ABHD3: variants seen among roughly 807,000 people sequenced by gnomAD.
The protein encoded by ABHD3 is phospholipase ABHD3.
Under a neutral mutation model 48.8 loss-of-function variants are expected in ABHD3, and 46 were observed. The ratio of observed to expected loss-of-function variants is 0.94; its 90% CI spans 0.74 to 1.20. The LOEUF is 1.20. Ranked by LOEUF, ABHD3 falls within the 50% of genes most tolerant of loss-of-function variation. The pLI is 0.00. For synonymous variants in ABHD3, 192 were observed against 183.7 expected, an observed-to-expected ratio of 1.04 and a Z score of -0.36; for missense variants, 490 against 497.8, an observed-to-expected ratio of 0.98 and a Z score of 0.15.
intron 4 of ABHD3, among the ~76,000 whole-genome samples, chr18:21,668,200 C>CAAAAAAAAAAAAAAAA (rs747590942): frequency 8.6e-4 from 53 of 61,298 alleles, no homozygotes; most frequent in African/African-American, 3.3e-3. Flanking sequence ...GAATCTATCT[C>CAAAAAAAAAAAAAAAA]AAAAAAAAAA....
At chr18:21,670,096 G>A (rs2039722866) in intron 4 of ABHD3, among the ~76,000 whole-genome samples, 1 of 152,140 alleles carries the variant, frequency 6.6e-6, no homozygotes, top group South Asian at 2.1e-4. Context: ...AGTGGCAAAT[G>A]AGCTATTTAT....
intron 4 of ABHD3, 144 bp from the exon 5 acceptor site, chr18:21,664,374 A>G: frequency 2.7e-6 from 2 of 753,164 alleles, no homozygotes; most frequent in Non-Finnish European, 4.1e-6. Context: ...ATAATTTATC[A>G]TTTTCCTGTC....
intron 5 of ABHD3, chr18:21,662,498 T>C (rs2039524721): frequency 6.6e-6 from 1 of 152,242 alleles, no homozygotes; most frequent in Admixed American, 6.5e-5. Flanking sequence ...GGGGTGACAC[T>C]GATGAAACGA....
intron 8 of ABHD3, among the ~76,000 whole-genome samples, chr18:21,654,677 T>C (rs899701326): frequency 6.6e-6 from 1 of 152,190 alleles, no homozygotes; most frequent in Admixed American, 6.5e-5. Flanking sequence ...GAGCCTAAAC[T>C]TCACACTCTG....
In ABHD3 at chr18:21,651,391, A is replaced by C. The variant is rs2039217226; in HGVS notation, c.*200T>G. The C allele has an allele frequency of 2.2e-6, 1 of 454,642 alleles. No homozygotes were observed. Among genetic ancestry groups the C allele is most frequent in the Non-Finnish European group, 3.8e-6 (1 of 266,290 alleles). 28.2% of individuals were successfully genotyped at this position (454,642 alleles called of 1,614,324 possible). ...GCATAGTAAAAATAAAATCTACGTA[A>C]GTAACAATCTAATACTATATTTAAT... On this transcript the variant is annotated 3_prime_UTR_variant, in exon 9 of 9. Transcript: ENST00000289119.
intron 3 of ABHD3, among the ~76,000 whole-genome samples, chr18:21,689,036 A>T (rs28597760): frequency 0.02 from 2,987 of 152,276 alleles, 94 homozygotes; most frequent in African/African-American, 0.065. Context: ...TTAGGGCCAA[A>T]CTTTCCATGG....
intron 3 of ABHD3, among the ~76,000 whole-genome samples, chr18:21,698,838 C>T (rs1360834949): frequency 6.6e-6 from 1 of 152,220 alleles, no homozygotes; most frequent in Non-Finnish European, 1.5e-5. Context: ...ACCTTGGCCT[C>T]CCAGACTGCT....
At chr18:21,691,169 T>C (rs1204180153) in intron 3 of ABHD3, among the ~76,000 whole-genome samples, 1 of 152,078 alleles carries the variant, frequency 6.6e-6, no homozygotes, top group Non-Finnish European at 1.5e-5. Flanking sequence ...AAAGCAAACT[T>C]CATGACAAGA....
intron 8 of ABHD3, 150 bp downstream of exon 8, chr18:21,656,711 G>C: frequency 1.3e-6 from 1 of 742,820 alleles, no homozygotes; most frequent in Non-Finnish European, 2.1e-6. Flanking sequence ...ATATTTAAGT[G>C]ATTTGAGACA....
intron 3 of ABHD3, among the ~76,000 whole-genome samples, chr18:21,700,942 G>A (rs1319086405): frequency 2.1e-5 from 2 of 94,666 alleles, no homozygotes; most frequent in Admixed American, 1.5e-4. Flanking sequence ...AACAGAGCCA[G>A]ATTTGGCCTC....
chr18:21,689,174 T>C (rs1163465383), intron 3 of ABHD3, among the ~76,000 whole-genome samples: 1 of 152,192 alleles, frequency 6.6e-6, no homozygotes. Context: ...GAGTTTTCAA[T>C]TTTTACAGCT....
At chr18:21,668,759 T>C (rs899487789) in intron 4 of ABHD3, among the ~76,000 whole-genome samples, 3 of 152,226 alleles carry the variant, frequency 2.0e-5, no homozygotes, top group East Asian at 1.9e-4. Flanking sequence ...TCCAAATAGA[T>C]TGCATTAAGA....
At chr18:21,697,953 C>T (rs1437876206) in intron 3 of ABHD3, among the ~76,000 whole-genome samples, 1 of 151,942 alleles carries the variant, frequency 6.6e-6, no homozygotes, top group Non-Finnish European at 1.5e-5. Context: ...TTGACAGTTC[C>T]CTGGTGACCT....
rs1431573535 is a variant in ABHD3, at chr18:21,657,091, G to T, written c.891+13C>A. 1 of 1,613,572 alleles carries T rather than the reference G, an allele frequency of 6.2e-7. No individual in the cohort carries two copies. The highest frequency in any genetic ancestry group is 1.3e-5 in the African/African-American group (1 of 74,872). Reference sequence around the variant, plus strand: ...AGAAGAAATAAAAGTATTACATAAAGTTTCTCTCCTACCTTCATGACATGA... The same window carrying T: ...AGAAGAAATAAAAGTATTACATAAATTTTCTCTCCTACCTTCATGACATGA... On this transcript the variant is annotated intron_variant, in intron 7 of 8. Coordinates refer to ENST00000289119, the MANE Select transcript of ABHD3 (RefSeq NM_138340.5).
chr18:21,659,354 G>C lies in ABHD3; in HGVS notation c.669-11C>G. ...TTTAGAAGCAGCATTCTAAAATGGG[G>C]AGAAACAGGAAACTCAGTGATTAAT... On this transcript the variant is annotated splice_polypyrimidine_tract_variant and intron_variant, in intron 5 of 8. Coordinates refer to ENST00000289119, the MANE Select transcript of ABHD3 (RefSeq NM_138340.5). The C allele has an allele frequency of 9.4e-6, 15 of 1,600,340 alleles. No homozygotes were observed. The highest frequency in any genetic ancestry group is 1.3e-5 in the Non-Finnish European group (15 of 1,175,022).
chr18:21,659,666 T>G (rs1239823978), intron 5 of ABHD3, among the ~76,000 whole-genome samples: 1 of 152,060 alleles, frequency 6.6e-6, no homozygotes, highest in Non-Finnish European at 1.5e-5. Context: ...TAGAGTTTTT[T>G]TTTTTTGTGT....
At chr18:21,681,318 G>A (rs1423788746) in intron 4 of ABHD3, among the ~76,000 whole-genome samples, 3 of 152,136 alleles carry the variant, frequency 2.0e-5, no homozygotes, top group Non-Finnish European at 4.4e-5. Context: ...GCAAATAGCA[G>A]CATCTTCCAT....
At chr18:21,702,190 A>C (rs2040527629) in intron 3 of ABHD3, 126 bp downstream of exon 3, 1 of 835,078 alleles carries the variant, frequency 1.2e-6, no homozygotes, top group South Asian at 2.7e-5. Context: ...TGCAGAGAAA[A>C]ATAATAATTT....
Position 21,698,651 on chromosome 18 carries a change from A to G in ABHD3, c.509+3665T>C, listed in dbSNP as rs557686611. Among the ~76,000 whole-genome samples the G allele has an allele frequency of 2.0e-5, 3 of 151,850 alleles. No homozygotes were observed. In the East Asian group the frequency reaches 5.8e-4, roughly 30 times the overall value. ...CTCCCGGGTTCAACCATCTCGGCCC[A>G]CTGCAACCTCTGCCTCCCAGGTTCA... On this transcript the variant is annotated intron_variant, in intron 3 of 8. Coordinates refer to ENST00000289119, the MANE Select transcript of ABHD3 (RefSeq NM_138340.5).
Sources: allele counts gnomAD v4.1 joint callset (sites outside exome capture counted in the v4.1 genomes callset), GRCh38; gene constraint gnomAD v4.1.1; transcripts MANE v1.5; gene names NCBI Gene and HGNC (gene_info 2026-07-23, HGNC 2026-07-21).